PFKFB3: variants seen among roughly 807,000 people sequenced by gnomAD.
The protein encoded by PFKFB3 is 6-phosphofructo-2-kinase/fructose-2,6-biphosphatase 3.
A neutral mutation model predicts 68.0 loss-of-function variants in PFKFB3; 33 were observed. That is an observed-to-expected ratio of 0.49 (90% CI 0.37 to 0.65). The LOEUF (loss-of-function observed/expected upper bound fraction) is 0.65, where lower values mean the gene tolerates loss of function less well. Among genes scored for constraint, PFKFB3 ranks in the 30% least tolerant of loss-of-function variants. PFKFB3 has a pLI of 0.00. For synonymous variants in PFKFB3, 315 were observed against 288.2 expected (o/e 1.09, Z -0.94); for missense variants, 586 against 712.2 (o/e 0.82, Z 2.02).
intron 1 of PFKFB3, among the ~76,000 whole-genome samples, chr10:6,195,504 G>A (rs1843153447): frequency 6.6e-6 from 1 of 152,212 alleles, no homozygotes; most frequent in Non-Finnish European, 1.5e-5. Flanking sequence ...ACCCTGACAT[G>A]CCTCCTAGGT....
chr10:6,213,412 G>C (rs1844357565), intron 1 of PFKFB3, among the ~76,000 whole-genome samples: 1 of 152,180 alleles, frequency 6.6e-6, no homozygotes. Context: ...CCCAGCTATT[G>C]GGGAGGCTAA....
At chr10:6,201,641 G>T (rs1843361362), upstream of PFKFB3, among the ~76,000 whole-genome samples, 1 of 152,112 alleles carries the variant, frequency 6.6e-6, no homozygotes, top group South Asian at 2.1e-4. The surrounding 1 kb of genome is among the most constrained non-coding windows in gnomAD (Gnocchi z 4.1). Context: ...GGAGCATGCG[G>T]GACGTGAGCG....
the PFKFB3 span, chr10:6,277,757 G>T: frequency 2.3e-6 from 1 of 428,514 alleles, no homozygotes; most frequent in East Asian, 8.0e-5. Flanking sequence ...TACAGCCTAA[G>T]GAACTATGAG....
At chr10:6,223,911 C>T (rs8181466) in intron 11 of PFKFB3, 47 bp from the exon 12 acceptor site, 53,254 of 1,559,132 alleles carry the variant, frequency 0.034, 2,793 homozygotes, top group East Asian at 0.21. Context: ...GCCACCACGC[C>T]TGGCCGTGTC....
Position 6,160,920 on chromosome 10 carries a change from T to A in PFKFB3, c.16+15907T>A, listed in dbSNP as rs375546935. ...CAACCTTGATGCATTTGGCCTTTTTTTAAATTTTTTTAATTTATTTTTTTA... is the reference window on the plus strand; with the variant it reads ...CAACCTTGATGCATTTGGCCTTTTTATAAATTTTTTTAATTTATTTTTTTA... On this transcript the variant is annotated intron_variant, in intron 1 of 14. Transcript: ENST00000379789. Among the ~76,000 whole-genome samples, 732 of 152,138 alleles carry A rather than the reference T, an allele frequency of 4.8e-3. 1 individual carries two copies. Among genetic ancestry groups the A allele is most frequent in the Non-Finnish European group, 8.7e-3 (590 of 67,980 alleles).
the PFKFB3 span, among the ~76,000 whole-genome samples, chr10:6,308,101 C>T: frequency 6.6e-5 from 10 of 152,230 alleles, no homozygotes; most frequent in East Asian, 3.9e-4. Context: ...GCCATTTTTG[C>T]GGTATTCTGT....
chr10:6,276,197 C>T, the PFKFB3 span, among the ~76,000 whole-genome samples: 1 of 152,092 alleles, frequency 6.6e-6, no homozygotes, highest in Admixed American at 6.6e-5. Context: ...GCCTTTGAAT[C>T]AGGTTCATGG....
intron 1 of PFKFB3, among the ~76,000 whole-genome samples, chr10:6,163,567 G>C (rs1842026565): frequency 6.6e-6 from 1 of 152,106 alleles, no homozygotes. Flanking sequence ...GCCCCGCTCT[G>C]GGCACGGTGC....
chr10:6,311,569 T>C, the PFKFB3 span, among the ~76,000 whole-genome samples: 5,293 of 151,908 alleles, frequency 0.035, 141 homozygotes, highest in Middle Eastern at 0.15. Context: ...GCCAACATGG[T>C]GAAACCCCGT....
chr10:6,206,134 T>C (rs9424132), intron 1 of PFKFB3, among the ~76,000 whole-genome samples: 208 of 138,626 alleles, frequency 1.5e-3, no homozygotes, highest in South Asian at 5.0e-3. Context: ...GTACTTGAGA[T>C]TAGGGAGTGG....
intron 1 of PFKFB3, among the ~76,000 whole-genome samples, chr10:6,168,767 G>A (rs1038512268): frequency 6.6e-6 from 1 of 152,156 alleles, no homozygotes; most frequent in Non-Finnish European, 1.5e-5. Flanking sequence ...AGGTCTGTTT[G>A]AGCCCTTACA....
intron 11 of PFKFB3, 100 bp from the exon 12 acceptor site, chr10:6,223,858 C>A: frequency 1.0e-6 from 1 of 979,670 alleles, no homozygotes; most frequent in East Asian, 2.4e-5. Context: ...CTCAGGTGAT[C>A]CACCTGCCTC....
At chr10:6,155,083 G>A (rs1172366104) in intron 1 of PFKFB3, among the ~76,000 whole-genome samples, 1 of 152,210 alleles carries the variant, frequency 6.6e-6, no homozygotes, top group African/African-American at 2.4e-5. Context: ...CAAATGACTT[G>A]GACAATGGGG....
downstream of PFKFB3, among the ~76,000 whole-genome samples, chr10:6,236,915 G>C (rs1401972602): frequency 1.3e-5 from 2 of 152,194 alleles, no homozygotes; most frequent in East Asian, 3.8e-4. Context: ...GGTGGATGCT[G>C]TCGGGGAGAG....
chr10:6,253,112 G>A (rs1187905737), intron 14 of PFKFB3, among the ~76,000 whole-genome samples: 1 of 152,122 alleles, frequency 6.6e-6, no homozygotes, highest in Non-Finnish European at 1.5e-5. Flanking sequence ...TAGAGACGGG[G>A]TTTCACCATC....
At chr10:6,202,824 C>T, upstream of PFKFB3, 1 of 960,892 alleles carries the variant, frequency 1.0e-6, no homozygotes, top group Non-Finnish European at 1.3e-6. Flanking sequence ...CCCTCCTCCC[C>T]ACGTGGAAGG....
At chr10:6,147,182 C>T (rs868006279) in intron 1 of PFKFB3, among the ~76,000 whole-genome samples, 10 of 152,230 alleles carry the variant, frequency 6.6e-5, no homozygotes, top group African/African-American at 1.9e-4. Context: ...AGGGACAGCA[C>T]GGCACGTCAA....
In PFKFB3 at chr10:6,215,107, C is replaced by A. The variant is rs985071720; in HGVS notation, c.203-114C>A. On this transcript the variant is annotated intron_variant, in intron 2 of 14. Transcript: ENST00000379775. The surrounding 1 kb of genome is among the most constrained non-coding windows in gnomAD (Gnocchi z 4.3). ...GGCATTGCTTCCACACCATCTCATT[C>A]AAGTCGGTGTGGTTGGCCTGGTGGC... 2.3e-5 allele frequency: 18 copies of A among 796,350 alleles called. No individual in the cohort carries two copies. In the Admixed American group the frequency reaches 3.7e-4, roughly 16 times the overall value. The allele number at this position is 796,350 out of a possible 1,614,324, so 49.3% of individuals were successfully genotyped here. A position where few individuals can be genotyped will look rare whatever the true frequency, so the allele number is the denominator to read the frequency against.
At chr10:6,256,285 A>T (rs78510343), downstream of PFKFB3, among the ~76,000 whole-genome samples, 864 of 152,314 alleles carry the variant, frequency 5.7e-3, 3 homozygotes, top group Non-Finnish European at 8.4e-3. Flanking sequence ...CCAGGGACTA[A>T]GCAGGATTTT....
Sources: gnomAD v4.1 joint callset for allele counts (sites outside exome capture counted in the v4.1 genomes callset) on GRCh38, gnomAD v4.1.1 for gene constraint, Gnocchi (gnomAD v3.1) non-coding constraint, MANE v1.5 for transcripts, NCBI Gene and HGNC (gene_info 2026-07-23, HGNC 2026-07-21) for gene names.